The following LAMA3 variants were observed in gnomAD, a reference collection of about 807,000 sequenced individuals.
The protein encoded by LAMA3 is laminin subunit alpha-3.
Under a neutral mutation model 402.0 loss-of-function variants are expected in LAMA3, and 281 were observed. That is an observed-to-expected ratio of 0.70 (90% CI 0.63 to 0.77). The LOEUF is 0.77. Ranked by LOEUF, LAMA3 falls within the 30% of genes least tolerant of loss-of-function variation. The pLI is 0.00. For synonymous variants in LAMA3, 1,431 were observed against 1,558.4 expected (o/e 0.92, Z 1.93); for missense variants, 3,840 against 4,215.5 (o/e 0.91, Z 2.47).
chr18:23,905,827 C>T (rs1228750944), intron 52 of LAMA3, among the ~76,000 whole-genome samples: 1 of 152,096 alleles, frequency 6.6e-6, no homozygotes, highest in East Asian at 1.9e-4. Flanking sequence ...TGCAGTGGCA[C>T]AATCATAGCT....
chr18:23,840,400 TGAGACAGATTC>T (rs2063674527), intron 27 of LAMA3, among the ~76,000 whole-genome samples: 1 of 144,074 alleles, frequency 6.9e-6, no homozygotes. Flanking sequence ...TTTTTTTTTT[TGAGACAGATTC>T]TTGCTCTATC....
In LAMA3 at chr18:23,954,707, C is replaced by T. The variant is rs2083054147; in HGVS notation, c.*59C>T. ...TCAAAAGCACTGATTACCCAATGCA[C>T]CTCCCTCCCCAGCTCGAGATCATTC... is the stretch of plus-strand genomic sequence containing the variant. On this transcript the variant is annotated 3_prime_UTR_variant, in exon 75 of 75. Transcript: ENST00000313654. The T allele has an allele frequency of 4.0e-5, 61 of 1,522,920 alleles. No homozygotes were observed. Among genetic ancestry groups the T allele is most frequent in the Non-Finnish European group, 5.3e-5 (58 of 1,097,304 alleles). The allele number at this position is 1,522,920 out of a possible 1,614,324, so 94.3% of individuals were successfully genotyped here. A position where few individuals can be genotyped will look rare whatever the true frequency, so the allele number is the denominator to read the frequency against.
intron 11 of LAMA3, among the ~76,000 whole-genome samples, chr18:23,780,038 A>G (rs2062404264): frequency 6.6e-6 from 1 of 152,234 alleles, no homozygotes; most frequent in Admixed American, 6.5e-5. Context: ...GGCCAGGCAC[A>G]TTCTGATAGC....
intron 1 of LAMA3, among the ~76,000 whole-genome samples, chr18:23,707,373 T>C (rs867008332): frequency 1.7e-4 from 26 of 152,224 alleles, no homozygotes; most frequent in Admixed American, 6.5e-4. Context: ...AAGCAGAATC[T>C]TCTAGCCCTT....
Position 23,784,171 on chromosome 18 carries a change from A to T in LAMA3, c.1603+14A>T, listed in dbSNP as rs2062494029. On this transcript the variant is annotated intron_variant, in intron 12 of 74. Transcript: ENST00000313654. ...CTATTTGCCAAGGTAAGTGGGCAGAACATAGCATATTCATAATCAATCCCT... is the reference window on the plus strand; with the variant it reads ...CTATTTGCCAAGGTAAGTGGGCAGATCATAGCATATTCATAATCAATCCCT... The T allele has an allele frequency of 6.2e-7, 1 of 1,613,950 alleles. No homozygotes were observed. Among genetic ancestry groups the T allele is most frequent in the South Asian group, 1.1e-5 (1 of 91,078 alleles).
chr18:23,784,489 A>G (rs926480414), intron 12 of LAMA3, among the ~76,000 whole-genome samples: 10 of 152,168 alleles, frequency 6.6e-5, no homozygotes, highest in African/African-American at 2.4e-4. Flanking sequence ...GGGTCTCCAG[A>G]TGCCAGTTGG....
intron 1 of LAMA3, among the ~76,000 whole-genome samples, chr18:23,701,125 C>T (rs2060783151): frequency 6.6e-6 from 1 of 152,128 alleles, no homozygotes; most frequent in South Asian, 2.1e-4. Context: ...GGCATTGTTG[C>T]CTGGGAAACC....
intron 1 of LAMA3, among the ~76,000 whole-genome samples, chr18:23,704,308 C>T (rs1377415627): frequency 6.6e-6 from 1 of 152,174 alleles, no homozygotes; most frequent in South Asian, 2.1e-4. Context: ...CCGTCCAAAT[C>T]TAAGACAGCA....
In LAMA3 at chr18:23,933,954, C is replaced by T; in HGVS notation, c.8862+19C>T. 2 of 1,612,060 alleles carry T rather than the reference C, an allele frequency of 1.2e-6. No individual in the cohort carries two copies. The highest frequency in any genetic ancestry group is 2.2e-5 in the South Asian group (2 of 91,032). Reference sequence around the variant, plus strand: ...CAACCAGGTAAGTGTCCAAACCTAACCCTGGGTTTCCCTCTTCCCTGGAGG... The same window carrying T: ...CAACCAGGTAAGTGTCCAAACCTAATCCTGGGTTTCCCTCTTCCCTGGAGG... On this transcript the variant is annotated intron_variant, in intron 67 of 74. Coordinates refer to ENST00000313654, the MANE Select transcript of LAMA3 (RefSeq NM_198129.4).
At chr18:23,894,457 G>A in intron 43 of LAMA3, 109 bp downstream of exon 43, 3 of 984,012 alleles carry the variant, frequency 3.0e-6, no homozygotes, top group Non-Finnish European at 3.3e-6. Flanking sequence ...AGTAAGGGTG[G>A]GAGGAGGTGG....
intron 32 of LAMA3, among the ~76,000 whole-genome samples, chr18:23,848,590 G>A (rs1049853211): frequency 1.3e-5 from 2 of 152,146 alleles, no homozygotes; most frequent in East Asian, 1.9e-4. Context: ...CCTTCAGCAC[G>A]CACCCCAGGC....
intron 38 of LAMA3, chr18:23,872,964 C>T: frequency 6.3e-7 from 1 of 1,576,238 alleles, no homozygotes; most frequent in South Asian, 1.1e-5. Context: ...GTCAGGCAGG[C>T]CCGGGCACTG....
chr18:23,753,232 T>A (rs2061784329), intron 5 of LAMA3, among the ~76,000 whole-genome samples: 1 of 152,232 alleles, frequency 6.6e-6, no homozygotes, highest in South Asian at 2.1e-4. Flanking sequence ...CCCTCCAGTC[T>A]CAGGGATGTA....
intron 2 of LAMA3, among the ~76,000 whole-genome samples, chr18:23,727,766 G>A (rs1398080564): frequency 6.6e-6 from 1 of 152,152 alleles, no homozygotes; most frequent in Admixed American, 6.5e-5. Context: ...ACCTTGCTCT[G>A]TCGCCCAGGC....
chr18:23,937,615 G>C (rs149740086), intron 67 of LAMA3, among the ~76,000 whole-genome samples: 1 of 152,138 alleles, frequency 6.6e-6, no homozygotes, highest in African/African-American at 2.4e-5. Flanking sequence ...GGTGGCAAAG[G>C]CTGTCTTTCA....
chr18:23,877,500 AT>A (rs952658288), intron 39 of LAMA3, among the ~76,000 whole-genome samples: 6 of 152,144 alleles, frequency 3.9e-5, no homozygotes, highest in African/African-American at 1.4e-4. Context: ...CCTTTTGGAA[AT>A]GCACTCCTCT....
chr18:23,935,128 T>G (rs1325226385), intron 67 of LAMA3, among the ~76,000 whole-genome samples: 2 of 152,196 alleles, frequency 1.3e-5, no homozygotes, highest in Non-Finnish European at 2.9e-5. Flanking sequence ...GATTCAAATC[T>G]ATTTACAGGA....
chr18:23,950,190 T>G, intron 72 of LAMA3, 31 bp downstream of exon 72: 1 of 1,613,182 alleles, frequency 6.2e-7, no homozygotes, highest in Non-Finnish European at 8.5e-7. Context: ...ATGGGGAGGG[T>G]CTGTAGAAAC....
intron 5 of LAMA3, among the ~76,000 whole-genome samples, chr18:23,752,462 C>T (rs1598721225): frequency 6.6e-6 from 1 of 152,002 alleles, no homozygotes; most frequent in Non-Finnish European, 1.5e-5. Flanking sequence ...TAATCTTAAC[C>T]CCCCAAGTTT....
Sources: gnomAD v4.1 joint callset for allele counts (sites outside exome capture counted in the v4.1 genomes callset) on GRCh38, gnomAD v4.1.1 for gene constraint, MANE v1.5 for transcripts, NCBI Gene and HGNC (gene_info 2026-07-23, HGNC 2026-07-21) for gene names.